PDXDC1: variants seen among roughly 807,000 people sequenced by gnomAD.
PDXDC1 encodes pyridoxal-dependent decarboxylase domain-containing protein 1.
A neutral mutation model predicts 100.1 loss-of-function variants in PDXDC1; 42 were observed. The observed-to-expected ratio is 0.42, with a 90% CI of 0.33 to 0.54. The LOEUF (loss-of-function observed/expected upper bound fraction) is 0.54, where lower values mean the gene tolerates loss of function less well. Among genes scored for constraint, PDXDC1 ranks in the 20% least tolerant of loss-of-function variants. The pLI, the probability that PDXDC1 is intolerant of heterozygous loss-of-function variation, is 0.10. For missense variants in PDXDC1, 636 were observed against 979.2 expected, an observed-to-expected ratio of 0.65 and a Z score of 4.68; for synonymous variants, 260 against 371.7, an observed-to-expected ratio of 0.70 and a Z score of 3.46.
At position 15,036,257 on chromosome 16, in the gene PDXDC1, A is replaced by C; in HGVS notation, c.2349A>C (p.Gly783=). 1.2e-6 allele frequency: 2 copies of C among 1,613,898 alleles called. No individual in the cohort carries two copies. The highest frequency in any genetic ancestry group is 1.7e-6 in the Non-Finnish European group (2 of 1,179,820). The change falls in exon 23 of 23, where the codon GGA becomes GGC. Residue 783 remains glycine (G), a synonymous_variant. Transcript: ENST00000396410. ...HPEDDHSQVE[G]PESLR is the part of the protein sequence containing the mutation. ...AAGATGACCACTCACAGGTAGAAGG[A>C]CCGGAGAGCTTAAGATGAGACTCAT...
At chr16:15,125,434 C>T (rs3863421) in intron 16 of PDXDC1, 34 of 819,138 alleles carry the variant, frequency 4.2e-5, no homozygotes, top group Non-Finnish European at 5.4e-5. Flanking sequence ...CCTGCTCCCA[C>T]GTGGTGTGAC....
chr16:15,041,837 A>T (rs976391471), downstream of PDXDC1, among the ~76,000 whole-genome samples: 3 of 152,194 alleles, frequency 2.0e-5, no homozygotes, highest in Non-Finnish European at 2.9e-5. Context: ...GGGGCCAGAC[A>T]CTAGGGAGCT....
intron 8 of PDXDC1, among the ~76,000 whole-genome samples, chr16:15,012,288 G>A (rs11865215): frequency 0.84 from 127,994 of 151,864 alleles, 52,416 homozygotes; most frequent in Admixed American, 0.91. Flanking sequence ...TATTTTTAGT[G>A]GAGATGGAGT....
At chr16:15,032,652 TTAA>T in intron 17 of PDXDC1, 4 of 297,052 alleles carry the variant, frequency 1.3e-5, no homozygotes, top group South Asian at 3.6e-5. Flanking sequence ...AGACCCTGCT[TTAA>T]AAAAAAAAAA....
chr16:15,092,552 C>T lies in PDXDC1; in HGVS notation c.1400-46327C>T, dbSNP rs757785089. The T allele has an allele frequency of 2.5e-6, 4 of 1,613,620 alleles. No homozygotes were observed. The South Asian group carries it at 3.3e-5, about 13-fold the overall frequency. On this transcript the variant is annotated intron_variant, in intron 16 of 16. Coordinates refer to the PDXDC1 transcript ENST00000535621. The stretch of plus-strand genomic sequence containing the variant: ...GACTTCTGTCACAGTTCCACCAAAC[C>T]GAACAGTTTTTCTTGGGGGAGAATT...
At chr16:15,005,887 C>A (rs1341362902) in intron 5 of PDXDC1, among the ~76,000 whole-genome samples, 2 of 152,292 alleles carry the variant, frequency 1.3e-5, no homozygotes, top group African/African-American at 2.4e-5. Context: ...AGTTGTTTCA[C>A]CATGTTAGCT....
intron 16 of PDXDC1, among the ~76,000 whole-genome samples, chr16:15,054,808 C>G (rs1234670008): frequency 2.6e-5 from 4 of 152,176 alleles, no homozygotes; most frequent in Non-Finnish European, 5.9e-5. Flanking sequence ...CTTCAGGAGG[C>G]TTACATTCTG....
At chr16:15,131,298 G>A (rs758272199) in intron 16 of PDXDC1, 52 of 1,572,944 alleles carry the variant, frequency 3.3e-5, no homozygotes, top group South Asian at 3.0e-4. Flanking sequence ...TCTGGGCGCC[G>A]GCCTGTGTCT....
intron 17 of PDXDC1, 172 bp from the exon 18 acceptor site, chr16:15,032,689 C>A: frequency 6.9e-6 from 3 of 433,092 alleles, no homozygotes; most frequent in South Asian, 3.3e-5. Context: ...GTGACTTTCT[C>A]TTTACTCCTG....
intron 16 of PDXDC1, among the ~76,000 whole-genome samples, chr16:15,089,672 CGAGTGTAGTCT>C (rs2046044873): frequency 6.8e-6 from 1 of 147,486 alleles, no homozygotes; most frequent in Non-Finnish European, 1.5e-5. Flanking sequence ...TGGTGGCGGG[CGAGTGTAGTCT>C]CAGCTACTTG....
At chr16:15,024,732 A>G (rs1373635813) in intron 13 of PDXDC1, among the ~76,000 whole-genome samples, 1 of 152,278 alleles carries the variant, frequency 6.6e-6, no homozygotes, top group Non-Finnish European at 1.5e-5. Flanking sequence ...AATTCTTCTC[A>G]TGACTGGTTT....
In PDXDC1 at chr16:14,975,187, G is replaced by A. The variant is rs2151104999; in HGVS notation, c.-13G>A. 3 of 1,451,270 alleles carry A rather than the reference G, an allele frequency of 2.1e-6. No homozygotes were observed. Among genetic ancestry groups the A allele is most frequent in the East Asian group, 2.7e-5 (1 of 36,604 alleles). 89.9% of individuals were successfully genotyped at this position (1,451,270 alleles called of 1,614,324 possible). ...AGCCCGGGACCGCCAGGCCACCACC[G>A]GCCGCCTCAGCCATGGACGCGTCCC... On this transcript the variant is annotated 5_prime_UTR_variant, in exon 1 of 23. Coordinates refer to ENST00000396410, the MANE Select transcript of PDXDC1 (RefSeq NM_015027.4).
At chr16:15,071,918 T>C (rs1317085360) in intron 16 of PDXDC1, among the ~76,000 whole-genome samples, 1 of 152,082 alleles carries the variant, frequency 6.6e-6, no homozygotes, top group East Asian at 1.9e-4. Context: ...ATAATTCACA[T>C]CCCATGGAGC....
At chr16:15,110,073 G>C (rs1423730110) in intron 16 of PDXDC1, among the ~76,000 whole-genome samples, 1 of 148,670 alleles carries the variant, frequency 6.7e-6, no homozygotes, top group East Asian at 1.9e-4. Context: ...AGAATTGCTT[G>C]AACCCAAAAG....
intron 13 of PDXDC1, among the ~76,000 whole-genome samples, chr16:15,023,078 GCA>G (rs1159880822): frequency 6.6e-6 from 1 of 152,288 alleles, no homozygotes; most frequent in Non-Finnish European, 1.5e-5. Context: ...AAGGCCTTGG[GCA>G]CACTCTTCTT....
intron 16 of PDXDC1, chr16:15,047,314 G>C: frequency 1.4e-6 from 1 of 692,816 alleles, no homozygotes; most frequent in Non-Finnish European, 2.6e-6. Flanking sequence ...GCCAGGTTCT[G>C]TTCCAGGGGA....
intron 1 of PDXDC1, among the ~76,000 whole-genome samples, chr16:14,979,983 G>A (rs534798671): frequency 1.3e-5 from 2 of 152,408 alleles, no homozygotes; most frequent in Admixed American, 1.3e-4. Context: ...TTCATATAAA[G>A]CCAATTCCAA....
intron 16 of PDXDC1, among the ~76,000 whole-genome samples, chr16:15,043,623 GACA>G (rs1384001213): frequency 7.3e-6 from 1 of 136,700 alleles, no homozygotes; most frequent in Non-Finnish European, 1.6e-5. Context: ...GTCAACACAC[GACA>G]ATGTTTTCTT....
chr16:14,980,327 GCT>G (rs1967669650), intron 1 of PDXDC1, among the ~76,000 whole-genome samples: 1 of 152,102 alleles, frequency 6.6e-6, no homozygotes, highest in South Asian at 2.1e-4. Context: ...ACGGAATCTT[GCT>G]CTGTCACCCA....
Sources: allele counts gnomAD v4.1 joint callset (sites outside exome capture counted in the v4.1 genomes callset), GRCh38; gene constraint gnomAD v4.1.1; transcripts MANE v1.5; gene names NCBI Gene and HGNC (gene_info 2026-07-23, HGNC 2026-07-21).